The following PBRM1 variants were observed in gnomAD, a reference collection of about 807,000 sequenced individuals.
PBRM1 encodes the protein protein polybromo-1.
PBRM1 carries 27 observed loss-of-function variants against 194.5 expected under a neutral mutation model. The observed-to-expected ratio is 0.14, with a 90% CI of 0.10 to 0.19. The LOEUF (loss-of-function observed/expected upper bound fraction) is 0.19. PBRM1 is among the 10% of genes least tolerant of loss of function. The pLI, the probability that PBRM1 is intolerant of heterozygous loss-of-function variation, is 1.00. For synonymous variants in PBRM1, 655 were observed against 693.2 expected (o/e 0.94, Z 0.87); for missense variants, 1,466 against 2,077.2 (o/e 0.71, Z 5.72).
At chr3:52,659,122 G>A (rs987138141) in intron 4 of PBRM1, among the ~76,000 whole-genome samples, 2 of 152,172 alleles carry the variant, frequency 1.3e-5, no homozygotes, top group Non-Finnish European at 2.9e-5. Flanking sequence ...CAGCGATTAA[G>A]TACATCAATG....
rs541272820 is a variant in PBRM1, at chr3:52,635,234, A to T, written c.1088-419T>A. Among the ~76,000 whole-genome samples, 10 of 152,036 alleles carry T rather than the reference A, an allele frequency of 6.6e-5. 1 individual carries two copies. The South Asian group carries it at 1.7e-3, about 25-fold the overall frequency. ...GAGCCACCACGCCTGGCCCTTTTTTAAAAAAATTCTAAGATAAAGGGAATA... is the reference window on the plus strand; with the variant it reads ...GAGCCACCACGCCTGGCCCTTTTTTTAAAAAATTCTAAGATAAAGGGAATA... On this transcript the variant is annotated intron_variant, in intron 10 of 29. Transcript: ENST00000296302.
intron 11 of PBRM1, among the ~76,000 whole-genome samples, chr3:52,629,329 C>T (rs911978268): frequency 1.3e-5 from 2 of 152,172 alleles, no homozygotes; most frequent in African/African-American, 4.8e-5. Context: ...AGCAAACATT[C>T]TACTTGGAAA....
chr3:52,596,715 G>A (rs2093593880), intron 17 of PBRM1, among the ~76,000 whole-genome samples: 1 of 152,070 alleles, frequency 6.6e-6, no homozygotes, highest in South Asian at 2.1e-4. Context: ...TGGTATCTAA[G>A]CTGCAAGGCA....
intron 17 of PBRM1, 64 bp downstream of exon 19, chr3:52,603,457 A>G: frequency 6.6e-7 from 1 of 1,516,046 alleles, no homozygotes; most frequent in South Asian, 1.2e-5. Flanking sequence ...TTCCACAGCT[A>G]ATTATGAGAA....
chr3:52,651,285 C>T (rs2096485883), intron 6 of PBRM1, among the ~76,000 whole-genome samples: 1 of 152,170 alleles, frequency 6.6e-6, no homozygotes, highest in East Asian at 1.9e-4. Flanking sequence ...TCTAATTCCA[C>T]TGACCTTCCA....
At chr3:52,682,800 G>A (rs996480507), upstream of PBRM1, among the ~76,000 whole-genome samples, 1 of 152,184 alleles carries the variant, frequency 6.6e-6, no homozygotes, top group South Asian at 2.1e-4. Flanking sequence ...GGAGTGGTGG[G>A]TCATGCCTGT....
Position 52,576,774 on chromosome 3 carries a change from A to C in PBRM1, c.3534-76T>G, listed in dbSNP as rs139817169. 6,998 of 1,146,426 alleles carry C rather than the reference A, an allele frequency of 6.1e-3. 62 individuals carry two copies. The highest frequency in any genetic ancestry group is 0.026 in the South Asian group (1,751 of 68,576). The allele number at this position is 1,146,426 out of a possible 1,614,324, so 71.0% of individuals were successfully genotyped here. On this transcript the variant is annotated intron_variant, in intron 21 of 29. Transcript: ENST00000296302. ...GATTAATCTAACAAAAATCGCATTA[A>C]CCAAAAACTTAGTAATGTGTACCAT...
At chr3:52,616,872 G>T (rs2094986991) in intron 14 of PBRM1, among the ~76,000 whole-genome samples, 2 of 152,104 alleles carry the variant, frequency 1.3e-5, no homozygotes, top group African/African-American at 4.8e-5. Context: ...AATACTATTG[G>T]CTTTCCTTTG....
intron 17 of PBRM1, among the ~76,000 whole-genome samples, chr3:52,597,404 T>C (rs989497988): frequency 2.0e-5 from 3 of 152,190 alleles, no homozygotes; most frequent in Non-Finnish European, 4.4e-5. Context: ...TGGTATTAGA[T>C]ATGTAATTTT....
At chr3:52,589,165 A>G (rs749147440) in exon 18 of PBRM1, 5 of 1,612,092 alleles carry the variant, frequency 3.1e-6, no homozygotes, top group African/African-American at 1.3e-5. Context: ...AACATGGTAC[A>G]TGCTGTTTTT....
Position 52,563,505 on chromosome 3 carries a change from G to A in PBRM1, c.3876-12C>T. On this transcript the variant is annotated splice_polypyrimidine_tract_variant and intron_variant, in intron 23 of 29. Transcript: ENST00000296302. The stretch of plus-strand genomic sequence containing the variant: ...GAACAATTGGTTTTCTGAAAAAAGT[G>A]ACATAAAAAACCTAAAATCACCTAA... 1 of 1,607,586 alleles carries A rather than the reference G, an allele frequency of 6.2e-7. No homozygotes were observed. The highest frequency in any genetic ancestry group is 8.5e-7 in the Non-Finnish European group (1 of 1,174,306).
intron 5 of PBRM1, among the ~76,000 whole-genome samples, chr3:52,653,092 C>A (rs2096540029): frequency 6.6e-6 from 1 of 152,098 alleles, no homozygotes; most frequent in African/African-American, 2.4e-5. Flanking sequence ...AGAAGAAATG[C>A]TCTTTAGGAG....
chr3:52,685,863 G>A (rs566985282), upstream of PBRM1: 8 of 515,122 alleles, frequency 1.6e-5, no homozygotes, highest in Non-Finnish European at 2.7e-5. Context: ...CCGTCGCTTC[G>A]GCACCCGCCG....
intron 13 of PBRM1, among the ~76,000 whole-genome samples, chr3:52,621,693 A>G (rs369808062): frequency 6.6e-6 from 1 of 152,216 alleles, no homozygotes; most frequent in East Asian, 1.9e-4. Context: ...ATATTAAAGT[A>G]TAAAATACAT....
intron 13 of PBRM1, 33 bp from the exon 16 acceptor site, chr3:52,617,571 T>G: frequency 6.6e-7 from 1 of 1,523,292 alleles, no homozygotes; most frequent in South Asian, 1.2e-5. Context: ...GGGGAAAAAT[T>G]AGAATAGGTT....
At chr3:52,615,484 T>C in intron 14 of PBRM1, 28 bp from the exon 17 acceptor site, 1 of 1,339,896 alleles carries the variant, frequency 7.5e-7, no homozygotes, top group Non-Finnish European at 1.1e-6. Flanking sequence ...ACTTCAATTA[T>C]TTTCTAAAAA....
chr3:52,601,733 C>A (rs1035456527), intron 17 of PBRM1, among the ~76,000 whole-genome samples: 1 of 152,126 alleles, frequency 6.6e-6, no homozygotes, highest in Non-Finnish European at 1.5e-5. Context: ...ATTCCTGGGA[C>A]TCCAGCTGGC....
At chr3:52,651,124 A>G (rs2096481780) in intron 6 of PBRM1, among the ~76,000 whole-genome samples, 1 of 152,206 alleles carries the variant, frequency 6.6e-6, no homozygotes, top group Non-Finnish European at 1.5e-5. Flanking sequence ...TACTCTGTGG[A>G]GTTTTAAGAA....
exon 4 of PBRM1, chr3:52,662,252 C>T (rs587778592): frequency 2.5e-6 from 4 of 1,612,702 alleles, no homozygotes; most frequent in Non-Finnish European, 3.4e-6. Context: ...AGTTTGCAAG[C>T]GGCTTTATAT....
Sources: gnomAD v4.1 joint callset for allele counts (sites outside exome capture counted in the v4.1 genomes callset) on GRCh38, gnomAD v4.1.1 for gene constraint, MANE v1.5 for transcripts, NCBI Gene and HGNC (gene_info 2026-07-23, HGNC 2026-07-21) for gene names.